IMMP2L: variants seen among roughly 807,000 people sequenced by gnomAD.
The protein encoded by IMMP2L is inner mitochondrial membrane peptidase subunit 2, also known as mitochondrial inner membrane protease subunit 2.
Under a neutral mutation model 19.3 loss-of-function variants are expected in IMMP2L, and 18 were observed. The observed-to-expected ratio is 0.93, with a 90% CI of 0.64 to 1.38. IMMP2L has a LOEUF of 1.38. Ranked by LOEUF, IMMP2L falls within the 40% of genes most tolerant of loss-of-function variation. The probability of loss-of-function intolerance (pLI) is 0.00; values close to 1 mark genes in which losing one functional copy is unlikely to be tolerated. For missense variants in IMMP2L, 233 were observed against 218.2 expected (o/e 1.07, Z -0.43); for synonymous variants, 76 against 73.0 (o/e 1.04, Z -0.21).
rs559539692 is a variant in IMMP2L at position 110,757,117 on chromosome 7, T to C, written c.409-93396A>G. On this transcript the variant is annotated intron_variant, in intron 5 of 5. Transcript: ENST00000405709. This position sits in a 1 kb window ranked among gnomAD's most constrained non-coding sequence, Gnocchi z 4.2. The stretch of plus-strand genomic sequence containing the variant: ...AACCAAATAAATAAGTTAAATGATA[T>C]AGCATGTTAGTTAGATTGAAATACG... Among the ~76,000 whole-genome samples, 8 of 151,976 alleles carry C rather than the reference T, an allele frequency of 5.3e-5. No homozygotes were observed. Among genetic ancestry groups the C allele is most frequent in the Non-Finnish European group, 7.4e-5 (5 of 67,990 alleles).
intron 3 of IMMP2L, among the ~76,000 whole-genome samples, chr7:111,111,405 C>A (rs1310747328): frequency 6.7e-6 from 1 of 150,332 alleles, no homozygotes; most frequent in Non-Finnish European, 1.5e-5. Flanking sequence ...CTTTCCATCC[C>A]CCCCCAAAAA....
chr7:111,302,015 G>A (rs1254294295), intron 3 of IMMP2L, among the ~76,000 whole-genome samples: 1 of 144,056 alleles, frequency 6.9e-6, no homozygotes, highest in Admixed American at 7.1e-5. Flanking sequence ...TCACAGAGCT[G>A]TACATGACTA....
At chr7:110,775,772 T>C (rs1451285561) in intron 5 of IMMP2L, among the ~76,000 whole-genome samples, 2 of 151,950 alleles carry the variant, frequency 1.3e-5, no homozygotes, top group African/African-American at 4.8e-5. Context: ...ATGTAAAGTA[T>C]GGCAACCACC....
rs964053649 is a variant in IMMP2L at position 111,485,271 on chromosome 7, C to T, written c.239+1967G>A. ...CACATGAAAGTTTGTGTTATTTGTACATGACAAAGATATAGCACATAACTG... is the reference window on the plus strand; with the variant it reads ...CACATGAAAGTTTGTGTTATTTGTATATGACAAAGATATAGCACATAACTG... On this transcript the variant is annotated intron_variant, in intron 3 of 5. Transcript: ENST00000405709. 3.3e-5 allele frequency among the ~76,000 whole-genome samples: 5 copies of T among 152,124 alleles called. No individual in the cohort carries two copies. In the Middle Eastern group the frequency reaches 0.01, roughly 313 times the overall value.
chr7:111,037,416 C>A (rs1411448492), intron 3 of IMMP2L, among the ~76,000 whole-genome samples: 1 of 152,010 alleles, frequency 6.6e-6, no homozygotes, highest in Non-Finnish European at 1.5e-5. Context: ...GTAATGCAGT[C>A]ATTAATTTCA....
chr7:111,061,707 G>A (rs1018663264), intron 3 of IMMP2L, among the ~76,000 whole-genome samples: 8 of 152,216 alleles, frequency 5.3e-5, no homozygotes, highest in African/African-American at 1.9e-4. Context: ...ACTTTGCACT[G>A]TTCCCACCCA....
At chr7:110,686,792 C>G (rs187732536) in intron 5 of IMMP2L, among the ~76,000 whole-genome samples, 56 of 152,142 alleles carry the variant, frequency 3.7e-4, no homozygotes, top group African/African-American at 1.3e-3. Flanking sequence ...AACCTCAATA[C>G]AAAACTCTCC....
At chr7:111,181,374 ATTTG>A (rs1010909613) in intron 3 of IMMP2L, among the ~76,000 whole-genome samples, 6 of 151,958 alleles carry the variant, frequency 3.9e-5, no homozygotes, top group African/African-American at 7.2e-5. Flanking sequence ...CTATTTTCTT[ATTTG>A]TTTGTTTAAT....
chr7:111,058,182 G>A (rs573495931), intron 3 of IMMP2L, among the ~76,000 whole-genome samples: 1 of 151,812 alleles, frequency 6.6e-6, no homozygotes, highest in Non-Finnish European at 1.5e-5. Flanking sequence ...ACCCCAAAGA[G>A]AGAAAAAAAG....
chr7:111,439,078 C>T (rs1405021043), intron 3 of IMMP2L, among the ~76,000 whole-genome samples: 1 of 151,856 alleles, frequency 6.6e-6, no homozygotes, highest in Non-Finnish European at 1.5e-5. Flanking sequence ...CCTTCCTTGA[C>T]TACACCAGGG....
At chr7:111,462,261 A>T (rs1397169835) in intron 3 of IMMP2L, among the ~76,000 whole-genome samples, 2 of 152,090 alleles carry the variant, frequency 1.3e-5, no homozygotes, top group African/African-American at 4.8e-5. Flanking sequence ...TAGTGAATTT[A>T]TAATCATTAA....
At chr7:110,904,640 A>G (rs758909815) in intron 4 of IMMP2L, among the ~76,000 whole-genome samples, 31 of 152,246 alleles carry the variant, frequency 2.0e-4, no homozygotes, top group Non-Finnish European at 4.3e-4. Flanking sequence ...CCTTAAACAA[A>G]ACAGATTACT....
intron 3 of IMMP2L, among the ~76,000 whole-genome samples, chr7:111,081,584 GCAAGA>G (rs1213150649): frequency 6.6e-6 from 1 of 152,130 alleles, no homozygotes; most frequent in African/African-American, 2.4e-5. Flanking sequence ...TCTTTTGCAG[GCAAGA>G]CACTAACTGC....
intron 3 of IMMP2L, among the ~76,000 whole-genome samples, chr7:111,304,428 C>G (rs896934821): frequency 6.6e-6 from 1 of 151,494 alleles, no homozygotes; most frequent in Admixed American, 6.6e-5. Flanking sequence ...AAATTAGCAC[C>G]CTGAGAATGA....
chr7:111,125,817 CTTTT>C (rs1217257175), intron 3 of IMMP2L, among the ~76,000 whole-genome samples: 4,326 of 99,714 alleles, frequency 0.043, 41 homozygotes, highest in African/African-American at 0.096. Context: ...AGGCCGCTTG[CTTTT>C]TTTTTTTTTT....
At chr7:111,253,326 C>G (rs1293581289) in intron 3 of IMMP2L, among the ~76,000 whole-genome samples, 1 of 152,042 alleles carries the variant, frequency 6.6e-6, no homozygotes, top group African/African-American at 2.4e-5. Context: ...TACAGCAGAG[C>G]AAAAGACAGT....
intron 3 of IMMP2L, among the ~76,000 whole-genome samples, chr7:111,435,362 T>C (rs1336136747): frequency 6.6e-6 from 1 of 151,870 alleles, no homozygotes; most frequent in Non-Finnish European, 1.5e-5. Context: ...TAAAAAAGAA[T>C]GAAATAATGT....
intron 3 of IMMP2L, among the ~76,000 whole-genome samples, chr7:111,229,048 T>TA (rs1813426666): frequency 6.6e-6 from 1 of 150,610 alleles, no homozygotes; most frequent in African/African-American, 2.4e-5. Flanking sequence ...TTTAACCACT[T>TA]ACTATTAATG....
At chr7:111,550,643 A>T (rs1195391383) in intron 1 of IMMP2L, among the ~76,000 whole-genome samples, 1 of 152,168 alleles carries the variant, frequency 6.6e-6, no homozygotes, top group East Asian at 1.9e-4. Context: ...ATAAGGCAAA[A>T]TATCTGCGGC....
Sources: gnomAD v4.1 joint callset for allele counts (sites outside exome capture counted in the v4.1 genomes callset) on GRCh38, gnomAD v4.1.1 for gene constraint, Gnocchi (gnomAD v3.1) non-coding constraint, MANE v1.5 for transcripts, NCBI Gene and HGNC (gene_info 2026-07-23, HGNC 2026-07-21) for gene names.